GPAT4: variants seen among roughly 807,000 people sequenced by gnomAD.
GPAT4 encodes 1-AGP acyltransferase 6.
GPAT4 carries 17 observed loss-of-function variants against 58.0 expected under a neutral mutation model. The ratio of observed to expected loss-of-function variants is 0.29; its 90% CI spans 0.20 to 0.44. The LOEUF is 0.44. GPAT4 is among the 20% of genes least tolerant of loss of function. The pLI is 1.00. For synonymous variants in GPAT4, 204 were observed against 210.1 expected (o/e 0.97, Z 0.25); for missense variants, 377 against 574.5 (o/e 0.66, Z 3.51).
chr8:41,614,362 T>G (rs1363262766), intron 8 of GPAT4, 24 bp from the exon 9 acceptor site: 1 of 1,608,484 alleles, frequency 6.2e-7, no homozygotes, highest in Non-Finnish European at 8.5e-7. Flanking sequence ...GTCTGACCCT[T>G]TATTTTATTT....
intron 12 of GPAT4, 111 bp downstream of exon 12, chr8:41,619,088 A>G (rs1803679402): frequency 7.6e-7 from 1 of 1,321,624 alleles, no homozygotes; most frequent in Non-Finnish European, 1.1e-6. Flanking sequence ...TGTCAGCTCT[A>G]GAGAGAGCAG....
At chr8:41,596,242 C>G (rs1308708671) in intron 1 of GPAT4, among the ~76,000 whole-genome samples, 1 of 152,054 alleles carries the variant, frequency 6.6e-6, no homozygotes, top group East Asian at 1.9e-4. Flanking sequence ...TGAGACAAAA[C>G]ACCACGCTCA....
chr8:41,610,464 C>T, intron 4 of GPAT4: 1 of 1,312,986 alleles, frequency 7.6e-7, no homozygotes, highest in South Asian at 1.6e-5. Context: ...GGCAGAATGG[C>T]CAGCTTAGGG....
At chr8:41,598,095 CTA>C (rs919254897) in intron 1 of GPAT4, among the ~76,000 whole-genome samples, 195 bp from the exon 2 acceptor site, 3 of 152,200 alleles carry the variant, frequency 2.0e-5, no homozygotes, top group Non-Finnish European at 2.9e-5. Context: ...TGTGAAACCT[CTA>C]TGTTTCCCTC....
At chr8:41,606,896 G>A in intron 2 of GPAT4, among the ~76,000 whole-genome samples, 1 of 152,220 alleles carries the variant, frequency 6.6e-6, no homozygotes, top group Non-Finnish European at 1.5e-5. Context: ...CAAGGAGGGA[G>A]TTGCTTCAGA....
At chr8:41,612,652 T>C in intron 7 of GPAT4, 193 bp from the exon 8 acceptor site, 1 of 582,836 alleles carries the variant, frequency 1.7e-6, no homozygotes, top group Non-Finnish European at 3.0e-6. Flanking sequence ...ATTTCTAGTA[T>C]TACTGATTAA....
At chr8:41,590,045 C>G (rs781374243) in intron 1 of GPAT4, among the ~76,000 whole-genome samples, 1 of 152,192 alleles carries the variant, frequency 6.6e-6, no homozygotes, top group African/African-American at 2.4e-5. Context: ...TCTGAGACCA[C>G]CACCAAATTC....
intron 10 of GPAT4, among the ~76,000 whole-genome samples, chr8:41,616,130 T>A (rs1016698162): frequency 6.6e-6 from 1 of 152,212 alleles, no homozygotes; most frequent in Non-Finnish European, 1.5e-5. Context: ...GCATCCTGCA[T>A]TCTGGCAAAA....
At chr8:41,608,415 C>T (rs1803344181) in intron 2 of GPAT4, among the ~76,000 whole-genome samples, 1 of 152,232 alleles carries the variant, frequency 6.6e-6, no homozygotes, top group South Asian at 2.1e-4. Flanking sequence ...GTTTCTCTGA[C>T]TCACTGTGGA....
chr8:41,609,954 A>G lies in GPAT4; in HGVS notation c.535A>G (p.Arg179Gly), dbSNP rs781500138. 1 of 1,598,088 alleles carries G rather than the reference A, an allele frequency of 6.3e-7. No individual in the cohort carries two copies. Among genetic ancestry groups the G allele is most frequent in the South Asian group, 1.1e-5 (1 of 88,670 alleles). The change falls in exon 4 of 13, where the codon AGG becomes GGG. Residue 179 changes from arginine (R) to glycine (G), a missense_variant and splice_region_variant. Coordinates refer to ENST00000396987, the MANE Select transcript of GPAT4 (RefSeq NM_178819.4). ...TCGGTACTGCTTTCTGCTGCCGCTC[A>G]GGTGAGGCAGGGCCTGCGGGAGTGG... ...LIRYCFLLPL[R>G]IALAFTGISL...
At chr8:41,591,455 A>C (rs1302997310) in intron 1 of GPAT4, among the ~76,000 whole-genome samples, 2 of 152,166 alleles carry the variant, frequency 1.3e-5, no homozygotes, top group Non-Finnish European at 2.9e-5. Flanking sequence ...CCCTTTGAGA[A>C]CCTCACTCAT....
chr8:41,599,200 G>A lies in GPAT4; in HGVS notation c.61G>A (p.Val21Ile), dbSNP rs745525354. Reference protein sequence around the residue: ...IVNLLGISLTVLFTLLLVFII... With the variant: ...IVNLLGISLTILFTLLLVFII... ...CAACCTTCTGGGCATCTCCCTGACT[G>A]TCCTCTTCACCCTCCTTCTCGTTTT... The change falls in exon 2 of 13, where the codon GTC (valine) becomes ATC (isoleucine). Residue 21 changes from valine to isoleucine, a missense_variant. Physicochemically the swap from Val to Ile is conservative, Grantham distance 29. Coordinates refer to ENST00000396987, the MANE Select transcript of GPAT4 (RefSeq NM_178819.4). The A allele has an allele frequency of 1.9e-6, 3 of 1,613,970 alleles. No homozygotes were observed. Among genetic ancestry groups the A allele is most frequent in the East Asian group, 4.5e-5 (2 of 44,870 alleles).
intron 2 of GPAT4, among the ~76,000 whole-genome samples, chr8:41,601,854 C>G (rs1482355543): frequency 6.6e-6 from 1 of 152,208 alleles, no homozygotes; most frequent in Non-Finnish European, 1.5e-5. Context: ...GAAAATTCAT[C>G]ATATGTGTAC....
intron 1 of GPAT4, among the ~76,000 whole-genome samples, chr8:41,594,116 A>ATAGGATATTTAT (rs1489545903): frequency 1.3e-5 from 2 of 152,150 alleles, no homozygotes; most frequent in African/African-American, 4.8e-5. Context: ...GGCTCTTTTT[A>ATAGGATATTTAT]ACCTTTTATA....
intron 1 of GPAT4, among the ~76,000 whole-genome samples, chr8:41,579,048 A>G (rs1380935956): frequency 6.6e-6 from 1 of 152,202 alleles, no homozygotes; most frequent in Non-Finnish European, 1.5e-5. Context: ...CTGAACTTTG[A>G]GGAGCTCTCC....
At chr8:41,620,764 G>T in intron 12 of GPAT4, 129 bp from the exon 13 acceptor site, 1 of 1,439,834 alleles carries the variant, frequency 6.9e-7, no homozygotes, top group Non-Finnish European at 9.3e-7. Context: ...GTCTTGGTGA[G>T]AGTGCCACGG....
chr8:41,581,908 C>G (rs1189073517), intron 1 of GPAT4, among the ~76,000 whole-genome samples: 1 of 144,674 alleles, frequency 6.9e-6, no homozygotes, highest in Non-Finnish European at 1.5e-5. Flanking sequence ...GCTGGGATTA[C>G]AGGCGTGAGC....
chr8:41,588,465 T>G (rs1802709909), intron 1 of GPAT4, among the ~76,000 whole-genome samples: 2 of 152,218 alleles, frequency 1.3e-5, no homozygotes, highest in African/African-American at 2.4e-5. Flanking sequence ...TCTGTTCTTT[T>G]TTCTTTTCCT....
Position 41,601,411 on chromosome 8 carries a change from C to G in GPAT4, c.165+2107C>G, listed in dbSNP as rs143034742. Among the ~76,000 whole-genome samples the G allele has an allele frequency of 6.6e-5, 10 of 152,242 alleles. 1 individual carries two copies. In the South Asian group the frequency reaches 1.2e-3, roughly 19 times the overall value. ...CATATATTTTAGTCCAAGAAAATCTCGAGCAGCACACAGGATCCCTGCGGA... is the reference window on the plus strand; with the variant it reads ...CATATATTTTAGTCCAAGAAAATCTGGAGCAGCACACAGGATCCCTGCGGA... On this transcript the variant is annotated intron_variant, in intron 2 of 12. Coordinates refer to ENST00000396987, the MANE Select transcript of GPAT4 (RefSeq NM_178819.4).
Sources: gnomAD v4.1 joint callset for allele counts (sites outside exome capture counted in the v4.1 genomes callset) on GRCh38, gnomAD v4.1.1 for gene constraint, MANE v1.5 for transcripts, NCBI Gene and HGNC (gene_info 2026-07-23, HGNC 2026-07-21) for gene names.